Variants in CCDC148 observed in about 807,000 individuals in gnomAD.
CCDC148 encodes coiled-coil domain containing 148.
Under a neutral mutation model 85.7 loss-of-function variants are expected in CCDC148, and 89 were observed. The ratio of observed to expected loss-of-function variants is 1.04; its 90% CI spans 0.87 to 1.24. The LOEUF is 1.24. Ranked by LOEUF, CCDC148 falls within the 50% of genes most tolerant of loss-of-function variation. CCDC148 has a pLI of 0.00. For synonymous variants in CCDC148, 230 were observed against 213.9 expected (o/e 1.08, Z -0.66); for missense variants, 692 against 671.7 (o/e 1.03, Z -0.33).
chr2:158,340,124 T>G, intron 5 of CCDC148, 118 bp downstream of exon 5: 1 of 703,494 alleles, frequency 1.4e-6, no homozygotes, highest in East Asian at 2.8e-5. Flanking sequence ...TTAAATATTA[T>G]TTATGTATTA....
chr2:158,358,653 A>C (rs1260302280), intron 1 of CCDC148, 83 bp from the exon 2 acceptor site: 1 of 807,480 alleles, frequency 1.2e-6, no homozygotes, highest in Non-Finnish European at 1.8e-6. Context: ...CAACATGTTG[A>C]CTTCAGATCT....
At chr2:158,254,985 CAAA>C (rs58809618) in intron 9 of CCDC148, among the ~76,000 whole-genome samples, 20 of 131,122 alleles carry the variant, frequency 1.5e-4, no homozygotes, top group Non-Finnish European at 2.0e-4. Context: ...TTCTTTTCTC[CAAA>C]AAAAAAAAAA....
chr2:158,351,205 T>A (rs1456712824), intron 2 of CCDC148, among the ~76,000 whole-genome samples: 7 of 152,138 alleles, frequency 4.6e-5, no homozygotes, highest in Admixed American at 4.6e-4. Context: ...AACAGTAAAC[T>A]TCATAAAGGT....
intron 11 of CCDC148, 100 bp from the exon 12 acceptor site, chr2:158,179,096 G>A (rs1684742238): frequency 9.8e-6 from 6 of 612,200 alleles, no homozygotes; most frequent in Non-Finnish European, 1.3e-5. Context: ...AGAGGTAACA[G>A]CACTGTCACA....
At chr2:158,431,219 T>C (rs772849655) in intron 1 of CCDC148, among the ~76,000 whole-genome samples, 7 of 151,590 alleles carry the variant, frequency 4.6e-5, no homozygotes, top group Non-Finnish European at 8.8e-5. Flanking sequence ...AAATCACAGA[T>C]TGAAGAATAC....
intron 7 of CCDC148, among the ~76,000 whole-genome samples, chr2:158,332,682 G>C (rs532896095): frequency 1.1e-4 from 16 of 151,756 alleles, no homozygotes; most frequent in African/African-American, 3.4e-4. Flanking sequence ...TTTGGTTGTA[G>C]GCTATTAATT....
intron 9 of CCDC148, among the ~76,000 whole-genome samples, chr2:158,284,712 A>C (rs2602189): frequency 0.13 from 20,316 of 152,192 alleles, 1,430 homozygotes; most frequent in Middle Eastern, 0.19. Context: ...ATATACTTAC[A>C]TATCAAATTA....
chr2:158,448,545 T>C (rs986801236), intron 1 of CCDC148, among the ~76,000 whole-genome samples: 1 of 151,990 alleles, frequency 6.6e-6, no homozygotes, highest in East Asian at 1.9e-4. Flanking sequence ...GGTTTTGCCA[T>C]GTTACCCAGG....
chr2:158,400,450 A>T (rs1003145551), intron 1 of CCDC148, among the ~76,000 whole-genome samples: 10 of 152,056 alleles, frequency 6.6e-5, no homozygotes, highest in African/African-American at 2.4e-4. Flanking sequence ...CAAAAACAAG[A>T]AAGGGAGAAA....
rs1683241967 is a variant in CCDC148, at chr2:158,351,039, C to CA, written c.148-5722dup. On this transcript the variant is annotated intron_variant, in intron 2 of 13. Coordinates refer to ENST00000283233, the MANE Select transcript of CCDC148 (RefSeq NM_138803.4). ...TTTATTGGCCTTGAGATCCCAATTCCAAAATCACTTCCTCAGAAAAGCCTT... is the reference window on the plus strand; with the variant it reads ...TTTATTGGCCTTGAGATCCCAATTCCAAAAATCACTTCCTCAGAAAAGCCTT... Among the ~76,000 whole-genome samples, 3 of 152,196 alleles carry CA rather than the reference C, an allele frequency of 2.0e-5. No homozygotes were observed. In the South Asian group the frequency reaches 6.2e-4, roughly 32 times the overall value.
intron 12 of CCDC148, among the ~76,000 whole-genome samples, chr2:158,177,011 G>A (rs532081155): frequency 6.6e-6 from 1 of 152,018 alleles, no homozygotes; most frequent in East Asian, 1.9e-4. Flanking sequence ...GAAAGTCACA[G>A]AAAGTAAAAA....
chr2:158,419,217 C>T (rs1276520252), intron 1 of CCDC148, among the ~76,000 whole-genome samples: 11 of 151,990 alleles, frequency 7.2e-5, no homozygotes, highest in Admixed American at 7.2e-4. Context: ...CTATTGACTT[C>T]CAAAGAATTA....
intron 9 of CCDC148, among the ~76,000 whole-genome samples, chr2:158,302,493 A>G (rs564039491): frequency 4.1e-4 from 62 of 152,254 alleles, no homozygotes; most frequent in Admixed American, 2.7e-3. Context: ...GCAAAGAAAG[A>G]CAATTATGAG....
intron 1 of CCDC148, among the ~76,000 whole-genome samples, chr2:158,428,732 TCC>T (rs1366309588): frequency 6.6e-6 from 1 of 151,836 alleles, no homozygotes; most frequent in African/African-American, 2.4e-5. Flanking sequence ...GTGTGGCGAT[TCC>T]TCAAGGATCT....
chr2:158,269,952 G>A (rs914897885), intron 9 of CCDC148, among the ~76,000 whole-genome samples: 2 of 152,134 alleles, frequency 1.3e-5, no homozygotes, highest in African/African-American at 2.4e-5. Flanking sequence ...GAACAAAGTA[G>A]AACCTACACT....
rs375554012 is a variant in CCDC148 at position 158,433,261 on chromosome 2, A to AATATATAT, written c.25+23146_25+23153dup. ...GGCAACAGAGTAAGTCCTTGACTCA[A>AATATATAT]ATATATATATATATATAAAACAAAA... On this transcript the variant is annotated intron_variant, in intron 1 of 13. Coordinates refer to ENST00000283233, the MANE Select transcript of CCDC148 (RefSeq NM_138803.4). Among the ~76,000 whole-genome samples, 54 of 122,590 alleles carry AATATATAT rather than the reference A, an allele frequency of 4.4e-4. 2 individuals are homozygous for AATATATAT. The highest frequency in any genetic ancestry group is 1.4e-3 in the African/African-American group (48 of 34,626). The allele number at this position is 122,590 out of a possible 152,430, so 80.4% of individuals were successfully genotyped here.
At chr2:158,315,349 T>A (rs1692227121) in intron 7 of CCDC148, among the ~76,000 whole-genome samples, 1 of 152,166 alleles carries the variant, frequency 6.6e-6, no homozygotes, top group Non-Finnish European at 1.5e-5. Flanking sequence ...TTCATTCAGG[T>A]TAACATAAAT....
intron 7 of CCDC148, among the ~76,000 whole-genome samples, chr2:158,314,837 T>C (rs1692203174): frequency 6.6e-6 from 1 of 152,254 alleles, no homozygotes; most frequent in South Asian, 2.1e-4. Flanking sequence ...AATGGTCTTA[T>C]ACTTTAAGTT....
At chr2:158,303,134 C>T (rs1691525481) in intron 9 of CCDC148, among the ~76,000 whole-genome samples, 1 of 152,250 alleles carries the variant, frequency 6.6e-6, no homozygotes, top group Non-Finnish European at 1.5e-5. Context: ...TAAATTACCC[C>T]CCAAAAGCCC....
Sources: allele counts gnomAD v4.1 joint callset (sites outside exome capture counted in the v4.1 genomes callset), GRCh38; gene constraint gnomAD v4.1.1; transcripts MANE v1.5; gene names NCBI Gene and HGNC (gene_info 2026-07-23, HGNC 2026-07-21).